The following GNA14 variants were observed in gnomAD, a reference collection of about 807,000 sequenced individuals.
The protein encoded by GNA14 is G protein subunit alpha 14.
GNA14 carries 50 observed loss-of-function variants against 42.0 expected under a neutral mutation model. The observed-to-expected ratio is 1.19, with a 90% CI of 0.95 to 1.51. The LOEUF (loss-of-function observed/expected upper bound fraction) is 1.51, where lower values mean the gene tolerates loss of function less well. GNA14 is among the 40% of genes most tolerant of loss of function. The pLI is 0.00. For synonymous variants in GNA14, 173 were observed against 163.1 expected, an observed-to-expected ratio of 1.06 and a Z score of -0.46; for missense variants, 473 against 446.2, an observed-to-expected ratio of 1.06 and a Z score of -0.54.
chr9:77,428,125 C>T (rs1337717309), intron 5 of GNA14, among the ~76,000 whole-genome samples: 1 of 140,866 alleles, frequency 7.1e-6, no homozygotes, highest in Non-Finnish European at 1.5e-5. Flanking sequence ...GTTGCCCAGG[C>T]TGGAGTGCAG....
chr9:77,593,038 C>T lies in GNA14; in HGVS notation c.124+54632G>A, dbSNP rs949001451. On this transcript the variant is annotated intron_variant, in intron 1 of 6. Transcript: ENST00000341700. ...GCATTAAGGGAGCTGGGGTAGAGGG[C>T]AGGGGGAAGGTCTACTGTGGGGGAG... 7.2e-5 allele frequency among the ~76,000 whole-genome samples: 11 copies of T among 151,856 alleles called. No homozygotes were observed. The South Asian group carries it at 2.1e-3, about 29-fold the overall frequency.
At chr9:77,606,147 T>C (rs1312126705) in intron 1 of GNA14, among the ~76,000 whole-genome samples, 2 of 152,178 alleles carry the variant, frequency 1.3e-5, no homozygotes, top group African/African-American at 2.4e-5. Context: ...GGAAGAAAAC[T>C]ATTCTGTCCT....
intron 2 of GNA14, among the ~76,000 whole-genome samples, 187 bp from the exon 3 acceptor site, chr9:77,434,709 G>C (rs1170053906): frequency 6.6e-6 from 1 of 151,950 alleles, no homozygotes; most frequent in East Asian, 1.9e-4. Context: ...GAGTGGAGAT[G>C]AGGTGGCTGC....
chr9:77,434,041 A>G (rs1044688860), intron 3 of GNA14, among the ~76,000 whole-genome samples: 2 of 152,228 alleles, frequency 1.3e-5, no homozygotes, highest in Non-Finnish European at 2.9e-5. Flanking sequence ...TTTAAATCAG[A>G]TAATTTCAGC....
At chr9:77,469,021 A>T (rs1836282723) in intron 2 of GNA14, among the ~76,000 whole-genome samples, 2 of 152,204 alleles carry the variant, frequency 1.3e-5, no homozygotes, top group African/African-American at 4.8e-5. Flanking sequence ...TGATGTGTGT[A>T]TAAGATCTAC....
At chr9:77,571,914 T>C (rs1292509564) in intron 1 of GNA14, among the ~76,000 whole-genome samples, 3 of 152,216 alleles carry the variant, frequency 2.0e-5, no homozygotes, top group Non-Finnish European at 2.9e-5. Context: ...ATTACTAAAA[T>C]TAATTTCATC....
intron 2 of GNA14, among the ~76,000 whole-genome samples, chr9:77,454,577 ATTTT>A (rs35309093): frequency 1.5e-4 from 19 of 128,600 alleles, no homozygotes; most frequent in Admixed American, 2.4e-4. Context: ...GGCCATCAGG[ATTTT>A]TTTTTTTTTT....
chr9:77,623,436 T>G (rs955254675), intron 1 of GNA14, among the ~76,000 whole-genome samples: 1 of 151,898 alleles, frequency 6.6e-6, no homozygotes, highest in Non-Finnish European at 1.5e-5. Flanking sequence ...AGAATAAGAA[T>G]AAGTAAATCA....
intron 2 of GNA14, among the ~76,000 whole-genome samples, chr9:77,451,711 T>C (rs1835904236): frequency 1.3e-5 from 2 of 152,204 alleles, no homozygotes. Flanking sequence ...CCAGCTTGGG[T>C]GGACAAGCCA....
rs183060941 is a variant in GNA14 at position 77,600,562 on chromosome 9, G to C, written c.124+47108C>G. 5.1e-3 allele frequency among the ~76,000 whole-genome samples: 783 copies of C among 152,196 alleles called. 5 individuals carry two copies. Among genetic ancestry groups the C allele is most frequent in the African/African-American group, 0.018 (734 of 41,506 alleles). On this transcript the variant is annotated intron_variant, in intron 1 of 6. Coordinates refer to ENST00000341700, the MANE Select transcript of GNA14 (RefSeq NM_004297.4). ...CCCCGGCGTTGGCAAAACCATACTC[G>C]GTCAGTTTCCTTTAAGAAACTCAGG...
intron 2 of GNA14, among the ~76,000 whole-genome samples, chr9:77,452,433 A>C (rs532363876): frequency 7.2e-5 from 11 of 152,158 alleles, no homozygotes; most frequent in African/African-American, 2.7e-4. Context: ...TAAACAAAAC[A>C]CTACTCTACA....
At position 77,572,024 on chromosome 9, in the gene GNA14, G is replaced by A. The variant is rs531052481; in HGVS notation, c.125-42771C>T. 3.3e-5 allele frequency among the ~76,000 whole-genome samples: 5 copies of A among 152,190 alleles called. No homozygotes were observed. In the South Asian group the frequency reaches 8.3e-4, roughly 25 times the overall value. On this transcript the variant is annotated intron_variant, in intron 1 of 6. Transcript: ENST00000341700. Reference sequence around the variant, plus strand: ...TTGGTTTCTAGCGATTTCAATTGAGGAGCAACTGAAAGAGAGTGGTGGCTG... The same window carrying A: ...TTGGTTTCTAGCGATTTCAATTGAGAAGCAACTGAAAGAGAGTGGTGGCTG...
At chr9:77,522,420 A>G (rs888463952) in intron 2 of GNA14, among the ~76,000 whole-genome samples, 1 of 152,198 alleles carries the variant, frequency 6.6e-6, no homozygotes, top group Non-Finnish European at 1.5e-5. Flanking sequence ...GATTCTGTCA[A>G]GGCTAATCTA....
At chr9:77,620,224 C>G (rs1224961853) in intron 1 of GNA14, among the ~76,000 whole-genome samples, 1 of 152,106 alleles carries the variant, frequency 6.6e-6, no homozygotes, top group Admixed American at 6.5e-5. Flanking sequence ...CCAAATCCAG[C>G]CTTTTCATTT....
intron 1 of GNA14, among the ~76,000 whole-genome samples, chr9:77,613,795 C>T (rs866684757): frequency 5.3e-5 from 8 of 152,162 alleles, no homozygotes; most frequent in South Asian, 2.1e-4. Context: ...CCATAATGTG[C>T]GATGTGCTAA....
At chr9:77,538,606 A>G (rs1837624446) in intron 1 of GNA14, among the ~76,000 whole-genome samples, 1 of 152,134 alleles carries the variant, frequency 6.6e-6, no homozygotes, top group Admixed American at 6.5e-5. Flanking sequence ...AATTTATTTC[A>G]GTAGCATTTT....
chr9:77,527,412 G>A (rs1031231574), intron 2 of GNA14, among the ~76,000 whole-genome samples: 5 of 152,170 alleles, frequency 3.3e-5, no homozygotes, highest in African/African-American at 1.2e-4. Context: ...TGGCCCGTGG[G>A]CCACAGTGCA....
chr9:77,497,567 A>C (rs1836891530), intron 2 of GNA14, among the ~76,000 whole-genome samples: 1 of 152,146 alleles, frequency 6.6e-6, no homozygotes, highest in African/African-American at 2.4e-5. Context: ...TTTTACAACT[A>C]TGTAATAATT....
chr9:77,626,971 AATAG>A (rs751087506), intron 1 of GNA14, among the ~76,000 whole-genome samples: 23 of 152,344 alleles, frequency 1.5e-4, no homozygotes, highest in Middle Eastern at 3.4e-3. Context: ...AGATTAACAA[AATAG>A]ATAGACCACT....
Sources: gnomAD v4.1 joint callset for allele counts (sites outside exome capture counted in the v4.1 genomes callset) on GRCh38, gnomAD v4.1.1 for gene constraint, MANE v1.5 for transcripts, NCBI Gene and HGNC (gene_info 2026-07-23, HGNC 2026-07-21) for gene names.